GPR19: variants seen among roughly 807,000 people sequenced by gnomAD.
The protein encoded by GPR19 is G protein-coupled receptor 19, also known as probable G protein-coupled receptor 19.
GPR19 carries 14 observed loss-of-function variants against 28.5 expected under a neutral mutation model. The observed-to-expected ratio is 0.49, with a 90% confidence interval of 0.32 to 0.77. GPR19 has a LOEUF of 0.77. Among genes scored for constraint, GPR19 ranks in the 30% least tolerant of loss-of-function variants. GPR19 has a pLI of 0.03. For synonymous variants in GPR19, 173 were observed against 184.1 expected (o/e 0.94, Z 0.49); for missense variants, 409 against 504.1 (o/e 0.81, Z 1.81).
At chr12:12,705,830 A>G in the GPR19 span, among the ~76,000 whole-genome samples, 49 of 152,266 alleles carry the variant, frequency 3.2e-4, no homozygotes, top group African/African-American at 1.2e-3. Flanking sequence ...GATTAGAAAC[A>G]TGAGCCACCA....
intron 2 of GPR19, chr12:12,688,936 C>T (rs1482224452): frequency 6.6e-6 from 1 of 152,210 alleles, no homozygotes; most frequent in African/African-American, 2.4e-5. Context: ...GTTGTTCCTG[C>T]ATTGCAATGA....
upstream of GPR19, among the ~76,000 whole-genome samples, chr12:12,698,436 T>C (rs1196245450): frequency 6.6e-6 from 1 of 152,248 alleles, no homozygotes; most frequent in African/African-American, 2.4e-5. Context: ...ATGCCATCTG[T>C]ATCCACATAT....
intron 3 of GPR19, among the ~76,000 whole-genome samples, chr12:12,679,086 C>T (rs993403843): frequency 2.0e-5 from 3 of 152,110 alleles, no homozygotes; most frequent in African/African-American, 7.2e-5. Flanking sequence ...CATGAACCAC[C>T]GTGTCTGGCT....
At chr12:12,676,020 T>A (rs989330918) in intron 3 of GPR19, among the ~76,000 whole-genome samples, 5 of 152,210 alleles carry the variant, frequency 3.3e-5, no homozygotes, top group African/African-American at 1.2e-4. Flanking sequence ...CAATGTAGCA[T>A]TTCTTATATA....
chr12:12,703,524 C>T, the GPR19 span: 8 of 506,852 alleles, frequency 1.6e-5, no homozygotes, highest in African/African-American at 8.4e-5. Context: ...TATGGCCCCT[C>T]GCTCTAGCAC....
the GPR19 span, among the ~76,000 whole-genome samples, chr12:12,707,455 C>T: frequency 6.6e-6 from 1 of 152,182 alleles, no homozygotes; most frequent in South Asian, 2.1e-4. Flanking sequence ...CTCAGAGAGT[C>T]TGGCATCTGG....
intron 3 of GPR19, among the ~76,000 whole-genome samples, chr12:12,670,507 G>A (rs937015246): frequency 6.6e-6 from 1 of 152,010 alleles, no homozygotes; most frequent in Admixed American, 6.5e-5. Flanking sequence ...AATGAAGATA[G>A]TCAGTTCCTA....
chr12:12,679,799 C>T (rs1247368279), intron 3 of GPR19, among the ~76,000 whole-genome samples: 1 of 152,070 alleles, frequency 6.6e-6, no homozygotes, highest in African/African-American at 2.4e-5. Flanking sequence ...GGGTTCAAGT[C>T]ACTTATAATC....
the GPR19 span, among the ~76,000 whole-genome samples, chr12:12,703,666 G>T: frequency 6.6e-6 from 1 of 151,950 alleles, no homozygotes; most frequent in Non-Finnish European, 1.5e-5. Flanking sequence ...TCTTTCTTTT[G>T]GGTAGAGCAG....
chr12:12,672,687 CA>C (rs1566144706), intron 3 of GPR19, among the ~76,000 whole-genome samples: 1 of 151,762 alleles, frequency 6.6e-6, no homozygotes, highest in Non-Finnish European at 1.5e-5. Context: ...GCGGAGGTTG[CA>C]GTGAGCCAAG....
At chr12:12,674,523 G>A (rs1212790794) in intron 3 of GPR19, among the ~76,000 whole-genome samples, 1 of 152,148 alleles carries the variant, frequency 6.6e-6, no homozygotes, top group Non-Finnish European at 1.5e-5. Context: ...ATGTGATGGG[G>A]TTAGGGAATG....
upstream of GPR19, among the ~76,000 whole-genome samples, chr12:12,697,132 AGACT>A (rs1184903674): frequency 1.5e-5 from 2 of 131,652 alleles, no homozygotes; most frequent in Admixed American, 8.9e-5. Flanking sequence ...ACATGATTTA[AGACT>A]GACTCTTGAA....
Position 12,661,910 on chromosome 12 carries a change from G to C in GPR19, c.539C>G (p.Ala180Gly), listed in dbSNP as rs776335957. ...PLSFKVSREK[A>G]KKMIAASWVF... Reference sequence around the variant, plus strand: ...CCACGATGCCGCAATCATTTTCTTGGCTTTTTCTCTGGACACCTTGAAGCT... The same window carrying C: ...CCACGATGCCGCAATCATTTTCTTGCCTTTTTCTCTGGACACCTTGAAGCT... The change falls in exon 4 of 4, where the codon GCC becomes GGC. Residue 180 changes from alanine (A) to glycine (G), a missense_variant. Coordinates refer to ENST00000651487, the MANE Select transcript of GPR19 (RefSeq NM_006143.3). The surrounding 1 kb of genome is among the most constrained non-coding windows in gnomAD (Gnocchi z 4.2). The C allele has an allele frequency of 3.1e-6, 5 of 1,614,222 alleles. No individual in the cohort carries two copies. The highest frequency in any genetic ancestry group is 4.2e-6 in the Non-Finnish European group (5 of 1,180,042).
chr12:12,678,924 G>A lies in GPR19; in HGVS notation c.-23+5427C>T, dbSNP rs540490405. Among the ~76,000 whole-genome samples, 5 of 152,264 alleles carry A rather than the reference G, an allele frequency of 3.3e-5. No individual in the cohort carries two copies. The East Asian group carries it at 7.7e-4, about 24-fold the overall frequency. On this transcript the variant is annotated intron_variant, in intron 3 of 3. Transcript: ENST00000651487. ...AGATTCTTGTGCGTCAGCTTCATGT[G>A]TAACTGGAATTACAGGTGCACGCCA...
chr12:12,669,481 C>T (rs1477412300), intron 3 of GPR19, among the ~76,000 whole-genome samples: 1 of 151,790 alleles, frequency 6.6e-6, no homozygotes. Flanking sequence ...TAAGGTAAAC[C>T]CTTCATTGTT....
chr12:12,701,492 C>T, the GPR19 span, among the ~76,000 whole-genome samples: 1 of 152,124 alleles, frequency 6.6e-6, no homozygotes, highest in Admixed American at 6.5e-5. Context: ...AAATCCTAAT[C>T]CTATAATTTC....
the GPR19 span, among the ~76,000 whole-genome samples, chr12:12,716,161 G>T: frequency 6.6e-6 from 1 of 152,196 alleles, no homozygotes; most frequent in Admixed American, 6.5e-5. Context: ...CACTGAGAGA[G>T]AAATTTCCAG....
rs908870318 is a variant in GPR19 at position 12,661,545 on chromosome 12, C to G, written c.904G>C (p.Glu302Gln). Residue 302 changes from glutamate to glutamine, a missense_variant, in exon 4 of 4, where the codon GAA becomes CAA. Transcript: ENST00000651487. This position sits in a 1 kb window ranked among gnomAD's most constrained non-coding sequence, Gnocchi z 4.2. ...FHVAQLWHPHEQDYKKSSLVF... is the reference protein window; with the variant it reads ...FHVAQLWHPHQQDYKKSSLVF... ...AGGGAACTTTTCTTATAGTCTTGTT[C>G]ATGGGGGTGCCATAGCTGAGCTACA... 1 of 1,613,584 alleles carries G rather than the reference C, an allele frequency of 6.2e-7. No individual in the cohort carries two copies. Among genetic ancestry groups the G allele is most frequent in the African/African-American group, 1.3e-5 (1 of 74,898 alleles).
At chr12:12,700,294 T>A (rs1468057109), upstream of GPR19, among the ~76,000 whole-genome samples, 2 of 152,088 alleles carry the variant, frequency 1.3e-5, no homozygotes, top group Non-Finnish European at 2.9e-5. Flanking sequence ...CCCAAGTGAT[T>A]CTTCCACCTC....
Sources: allele counts gnomAD v4.1 joint callset (sites outside exome capture counted in the v4.1 genomes callset), GRCh38; gene constraint gnomAD v4.1.1; non-coding constraint Gnocchi (gnomAD v3.1); transcripts MANE v1.5; gene names NCBI Gene and HGNC (gene_info 2026-07-23, HGNC 2026-07-21).